Variants in PLGRKT observed in about 807,000 individuals in gnomAD.
PLGRKT encodes plasminogen receptor with a C-terminal lysine.
In PLGRKT, 22 loss-of-function variants were observed where a neutral mutation model predicts 18.5. That is an observed-to-expected ratio of 1.19 (90% CI 0.85 to 1.70). The LOEUF is 1.70. Among genes scored for constraint, PLGRKT ranks in the 40% most tolerant of loss-of-function variants. PLGRKT has a pLI of 0.00. For synonymous variants in PLGRKT, 72 were observed against 52.8 expected, an observed-to-expected ratio of 1.36 and a Z score of -1.58; for missense variants, 235 against 174.4, an observed-to-expected ratio of 1.35 and a Z score of -1.96.
At chr9:5,396,241 A>G (rs960415097) in intron 3 of PLGRKT, among the ~76,000 whole-genome samples, 1 of 151,686 alleles carries the variant, frequency 6.6e-6, no homozygotes, top group Non-Finnish European at 1.5e-5. Flanking sequence ...GACTCTCTCA[A>G]GTGGATTTTG....
Position 5,430,337 on chromosome 9 carries a change from C to T in PLGRKT, c.81+1560G>A, listed in dbSNP as rs183084121. Among the ~76,000 whole-genome samples, 593 of 152,318 alleles carry T rather than the reference C, an allele frequency of 3.9e-3. 5 individuals carry two copies. Among genetic ancestry groups the T allele is most frequent in the African/African-American group, 0.013 (558 of 41,566 alleles). On this transcript the variant is annotated intron_variant, in intron 3 of 5. Transcript: ENST00000223864. Reference sequence around the variant, plus strand: ...TCTTTGACAAGGACGTGCTAAGCATCGGATAGCTGGCTGATTTGTAAACCT... The same window carrying T: ...TCTTTGACAAGGACGTGCTAAGCATTGGATAGCTGGCTGATTTGTAAACCT...
chr9:5,404,696 C>G lies in PLGRKT; in HGVS notation c.81+27201G>C, dbSNP rs140424351. On this transcript the variant is annotated intron_variant, in intron 3 of 5. Transcript: ENST00000223864. Reference sequence around the variant, plus strand: ...ATACTGAATGGGCAAAAGCTGGAAGCATTCCCCTTGAAAACCAGCACAAGA... The same window carrying G: ...ATACTGAATGGGCAAAAGCTGGAAGGATTCCCCTTGAAAACCAGCACAAGA... Among the ~76,000 whole-genome samples, 815 of 152,302 alleles carry G rather than the reference C, an allele frequency of 5.4e-3. 5 individuals carry two copies. Among genetic ancestry groups the G allele is most frequent in the Non-Finnish European group, 7.9e-3 (539 of 68,026 alleles).
intron 3 of PLGRKT, among the ~76,000 whole-genome samples, chr9:5,403,224 C>CTTTTTTTT (rs34557029): frequency 7.4e-6 from 1 of 135,170 alleles, no homozygotes. Flanking sequence ...ATTCTTTTTT[C>CTTTTTTTT]TTTTTTTTTT....
At chr9:5,398,837 C>T (rs1343821134) in intron 3 of PLGRKT, among the ~76,000 whole-genome samples, 2 of 151,780 alleles carry the variant, frequency 1.3e-5, no homozygotes, top group Admixed American at 6.6e-5. Context: ...CCAAAATATG[C>T]CACTTTGATG....
At chr9:5,431,213 T>A (rs562267893) in intron 3 of PLGRKT, among the ~76,000 whole-genome samples, 1 of 152,156 alleles carries the variant, frequency 6.6e-6, no homozygotes, top group Non-Finnish European at 1.5e-5. Flanking sequence ...ATCTCTCTTA[T>A]ACTGACTCTC....
rs1054860307 is a variant in PLGRKT, at chr9:5,385,840, C to T, written c.82-23952G>A. Among the ~76,000 whole-genome samples, 7 of 151,842 alleles carry T rather than the reference C, an allele frequency of 4.6e-5. 1 individual carries two copies. The highest frequency in any genetic ancestry group is 1.5e-4 in the African/African-American group (6 of 41,152). On this transcript the variant is annotated intron_variant, in intron 3 of 5. Transcript: ENST00000223864. The stretch of plus-strand genomic sequence containing the variant: ...GAATATATTTCCTAGGATGTTTATA[C>T]AGCAAAACCCTTGGAAGACAGAGAT...
At chr9:5,378,044 T>G (rs1436533978) in intron 3 of PLGRKT, among the ~76,000 whole-genome samples, 1 of 152,194 alleles carries the variant, frequency 6.6e-6, no homozygotes, top group East Asian at 1.9e-4. Flanking sequence ...GAAGCTCTTG[T>G]GTTGGCACAT....
intron 3 of PLGRKT, among the ~76,000 whole-genome samples, chr9:5,364,933 T>C (rs555277587): frequency 1.3e-5 from 2 of 152,228 alleles, no homozygotes; most frequent in South Asian, 2.1e-4. Flanking sequence ...GATACAGACA[T>C]AGACAAGGAT....
chr9:5,399,438 G>A lies in PLGRKT; in HGVS notation c.81+32459C>T, dbSNP rs147023843. ...GTTCTTCCCTTTTATATGCTCAATA[G>A]GCAGATTTTTTTTCCCTTTTCTTTA... On this transcript the variant is annotated intron_variant, in intron 3 of 5. Transcript: ENST00000223864. Among the ~76,000 whole-genome samples, 173 of 151,782 alleles carry A rather than the reference G, an allele frequency of 1.1e-3. 2 individuals carry two copies. Among genetic ancestry groups the A allele is most frequent in the African/African-American group, 4.1e-3 (170 of 41,202 alleles).
intron 3 of PLGRKT, chr9:5,381,915 G>C (rs1436105743): frequency 3.0e-6 from 3 of 984,976 alleles, no homozygotes; most frequent in Admixed American, 6.1e-5. Flanking sequence ...CACATCATGA[G>C]AGGAAGAGTC....
At chr9:5,431,530 T>G (rs1352817652) in intron 3 of PLGRKT, among the ~76,000 whole-genome samples, 1 of 64,434 alleles carries the variant, frequency 1.6e-5, no homozygotes, top group Admixed American at 2.3e-4. Flanking sequence ...TGAGACTCTC[T>G]CAAAAAAAAA....
At chr9:5,423,225 T>G (rs760713784) in intron 3 of PLGRKT, among the ~76,000 whole-genome samples, 1 of 152,166 alleles carries the variant, frequency 6.6e-6, no homozygotes, top group Non-Finnish European at 1.5e-5. Flanking sequence ...CCTGAGTTCC[T>G]TGAAAGAGGG....
chr9:5,424,668 T>TTATATATATATATATGTATATATATA (rs1554634175), intron 3 of PLGRKT, among the ~76,000 whole-genome samples: 2 of 113,170 alleles, frequency 1.8e-5, no homozygotes, highest in African/African-American at 8.2e-5. Flanking sequence ...ATTATATATT[T>TTATATATATATATATGTATATATATA]TATATATATA....
At chr9:5,402,179 C>A (rs1050327176) in intron 3 of PLGRKT, among the ~76,000 whole-genome samples, 1 of 151,754 alleles carries the variant, frequency 6.6e-6, no homozygotes, top group African/African-American at 2.4e-5. Flanking sequence ...AACAAAACCA[C>A]GAACATACTA....
In PLGRKT at chr9:5,393,923, A is replaced by G. The variant is rs1397233691; in HGVS notation, c.82-32035T>C. ...ATATGCCCTCATGGAAATGAACACTAAAAACTATACCCAGATTTTTGACCA... is the reference window on the plus strand; with the variant it reads ...ATATGCCCTCATGGAAATGAACACTGAAAACTATACCCAGATTTTTGACCA... On this transcript the variant is annotated intron_variant, in intron 3 of 5. Transcript: ENST00000223864. Among the ~76,000 whole-genome samples, 6 of 151,914 alleles carry G rather than the reference A, an allele frequency of 3.9e-5. No homozygotes were observed. The South Asian group carries it at 8.3e-4, about 21-fold the overall frequency.
rs115130861 is a variant in PLGRKT at position 5,363,808 on chromosome 9, G to A, written c.82-1920C>T. Among the ~76,000 whole-genome samples the A allele has an allele frequency of 1.4e-3, 215 of 152,260 alleles. 1 individual carries two copies. The highest frequency in any genetic ancestry group is 4.6e-3 in the African/African-American group (193 of 41,554). ...TTCAACTATTTTCTCCCAAAGAACC[G>A]AGTTTTAAACTAGAAGTAATTGAGT... On this transcript the variant is annotated intron_variant, in intron 3 of 5. Coordinates refer to ENST00000223864, the MANE Select transcript of PLGRKT (RefSeq NM_018465.4).
intron 3 of PLGRKT, among the ~76,000 whole-genome samples, chr9:5,366,081 A>G (rs1366814860): frequency 2.0e-5 from 3 of 152,170 alleles, no homozygotes. Context: ...ACTATTCTAA[A>G]TTTCATAAGA....
intron 2 of PLGRKT, among the ~76,000 whole-genome samples, chr9:5,436,365 A>T (rs1232532555): frequency 6.6e-6 from 1 of 152,224 alleles, no homozygotes; most frequent in Non-Finnish European, 1.5e-5. Context: ...GTGGATGACT[A>T]AATTTTTACA....
intron 3 of PLGRKT, among the ~76,000 whole-genome samples, chr9:5,406,346 C>T (rs1435466796): frequency 1.3e-5 from 2 of 152,120 alleles, no homozygotes; most frequent in Admixed American, 6.5e-5. Flanking sequence ...ATAGCAAAGA[C>T]ATGGAATCAA....
Sources: allele counts gnomAD v4.1 joint callset (sites outside exome capture counted in the v4.1 genomes callset), GRCh38; gene constraint gnomAD v4.1.1; transcripts MANE v1.5; gene names NCBI Gene and HGNC (gene_info 2026-07-23, HGNC 2026-07-21).